Variants in FLI1 observed in about 807,000 individuals in gnomAD.
FLI1 encodes the protein Fli-1 proto-oncogene, ETS transcription factor.
Under a neutral mutation model 53.1 loss-of-function variants are expected in FLI1, and 13 were observed. The ratio of observed to expected loss-of-function variants is 0.24; its 90% CI spans 0.16 to 0.39. The LOEUF is 0.39. FLI1 is among the 10% of genes least tolerant of loss of function. FLI1 has a pLI of 1.00. For synonymous variants in FLI1, 244 were observed against 236.7 expected (o/e 1.03, Z -0.28); for missense variants, 424 against 600.5 (o/e 0.71, Z 3.07).
chr11:128,797,225 A>C (rs1220937636), intron 5 of FLI1, among the ~76,000 whole-genome samples: 1 of 152,240 alleles, frequency 6.6e-6, no homozygotes, highest in Non-Finnish European at 1.5e-5. Context: ...AAAGTACTTG[A>C]GTCTTTAAAA....
rs566205248 is a variant in FLI1 at position 128,795,282 on chromosome 11, C to T, written c.656-10084C>T. Reference sequence around the variant, plus strand: ...CCTCCTTAAGACTATAGTCTCCTCTCGGAGCCTCACCTCATTCACAGGCTA... The same window carrying T: ...CCTCCTTAAGACTATAGTCTCCTCTTGGAGCCTCACCTCATTCACAGGCTA... On this transcript the variant is annotated intron_variant, in intron 5 of 8. Transcript: ENST00000527786. Among the ~76,000 whole-genome samples the T allele has an allele frequency of 3.9e-4, 60 of 152,328 alleles. 1 individual carries two copies. Among genetic ancestry groups the T allele is most frequent in the Non-Finnish European group, 6.2e-4 (42 of 68,034 alleles).
At chr11:128,725,297 G>T (rs570463633) in intron 1 of FLI1, among the ~76,000 whole-genome samples, 7 of 152,172 alleles carry the variant, frequency 4.6e-5, no homozygotes, top group Non-Finnish European at 8.8e-5. Flanking sequence ...TGTATCTCCC[G>T]CTTCCTCCCC....
At chr11:128,776,444 A>G (rs1003753807) in intron 4 of FLI1, among the ~76,000 whole-genome samples, 6 of 152,228 alleles carry the variant, frequency 3.9e-5, no homozygotes, top group Non-Finnish European at 5.9e-5. Context: ...TGAGGCCAGA[A>G]GTTGGAGACC....
chr11:128,733,689 C>T (rs776701031), intron 1 of FLI1, among the ~76,000 whole-genome samples: 7 of 152,302 alleles, frequency 4.6e-5, no homozygotes, highest in East Asian at 3.9e-4. Flanking sequence ...AGATGCTGTG[C>T]GCTGAAAGTC....
At chr11:128,725,769 A>T (rs747407522) in intron 1 of FLI1, among the ~76,000 whole-genome samples, 1 of 151,932 alleles carries the variant, frequency 6.6e-6, no homozygotes, top group South Asian at 2.1e-4. Context: ...AACCCAAACC[A>T]CAAAACCCCG....
At chr11:128,806,889 G>A (rs1462299906) in intron 6 of FLI1, 1 of 288,098 alleles carries the variant, frequency 3.5e-6, no homozygotes, top group Non-Finnish European at 6.4e-6. Context: ...AAATGAAAAG[G>A]TGACATTTAA....
chr11:128,773,274 A>G (rs1446862632), intron 4 of FLI1, among the ~76,000 whole-genome samples: 1 of 152,228 alleles, frequency 6.6e-6, no homozygotes, highest in African/African-American at 2.4e-5. Context: ...GCCTTTCCAG[A>G]AACTATTCCA....
At chr11:128,805,242 G>C in intron 5 of FLI1, 124 bp from the exon 6 acceptor site, 1 of 587,440 alleles carries the variant, frequency 1.7e-6, no homozygotes, top group Non-Finnish European at 3.0e-6. Context: ...CCAGAATTTA[G>C]GGATGCTTTA....
At chr11:128,690,530 G>GCGAGC (rs1359303715), upstream of FLI1, among the ~76,000 whole-genome samples, 2 of 152,196 alleles carry the variant, frequency 1.3e-5, no homozygotes. Flanking sequence ...CTGACATTGA[G>GCGAGC]CGAGCCAAGA....
At chr11:128,745,841 G>T (rs560669260) in intron 1 of FLI1, among the ~76,000 whole-genome samples, 21 of 152,242 alleles carry the variant, frequency 1.4e-4, no homozygotes, top group African/African-American at 4.8e-4. Flanking sequence ...AGGGAGTGAA[G>T]CCCCCCCATA....
chr11:128,726,538 C>T (rs1262302495), intron 1 of FLI1, among the ~76,000 whole-genome samples: 1 of 148,318 alleles, frequency 6.7e-6, no homozygotes, highest in African/African-American at 2.5e-5. Context: ...ACCCTCCCAC[C>T]CCCCTACCCC....
chr11:128,810,430 TTC>T lies in FLI1; in HGVS notation c.830-24_830-23del, dbSNP rs745513430. ...GCCTTCTCTGGGCTGAGGTGTTCTGTTCTCTCCCGTTTGCCTCACGGCGTGCA... is the reference window on the plus strand; with the variant it reads ...GCCTTCTCTGGGCTGAGGTGTTCTGTTCTCCCGTTTGCCTCACGGCGTGCA... On this transcript the variant is annotated intron_variant, in intron 8 of 8. Coordinates refer to ENST00000527786, the MANE Select transcript of FLI1 (RefSeq NM_002017.5). This position sits in a 1 kb window ranked among gnomAD's most constrained non-coding sequence, Gnocchi z 6.6. 1.1e-4 allele frequency: 168 copies of T among 1,566,632 alleles called. No homozygotes were observed. Among genetic ancestry groups the T allele is most frequent in the Non-Finnish European group, 1.4e-4 (165 of 1,155,550 alleles).
At chr11:128,699,404 T>C (rs1938226078) in intron 1 of FLI1, among the ~76,000 whole-genome samples, 1 of 152,252 alleles carries the variant, frequency 6.6e-6, no homozygotes, top group South Asian at 2.1e-4. Flanking sequence ...TTTAAGTCTA[T>C]ATTTTGCTTG....
At chr11:128,706,341 T>C (rs1180840240) in intron 1 of FLI1, among the ~76,000 whole-genome samples, 1 of 152,218 alleles carries the variant, frequency 6.6e-6, no homozygotes, top group African/African-American at 2.4e-5. Flanking sequence ...CATCACTCCA[T>C]ACAACGTGGC....
intron 1 of FLI1, among the ~76,000 whole-genome samples, chr11:128,741,872 G>C (rs1333551144): frequency 6.6e-6 from 1 of 152,268 alleles, no homozygotes; most frequent in Middle Eastern, 3.4e-3. Context: ...GGGATGCTGA[G>C]TGGGGGAGGC....
At chr11:128,696,995 T>C (rs1358254611) in intron 1 of FLI1, among the ~76,000 whole-genome samples, 2 of 152,164 alleles carry the variant, frequency 1.3e-5, no homozygotes, top group Admixed American at 1.3e-4. Flanking sequence ...TTCTCTTCTC[T>C]TTTCCAAGAA....
chr11:128,801,163 C>A (rs1373336387), intron 5 of FLI1, among the ~76,000 whole-genome samples: 1 of 152,210 alleles, frequency 6.6e-6, no homozygotes, highest in Non-Finnish European at 1.5e-5. Flanking sequence ...TCGAGAGGGC[C>A]TCCATGCACG....
At chr11:128,790,856 T>C (rs544188346) in intron 5 of FLI1, among the ~76,000 whole-genome samples, 2 of 152,326 alleles carry the variant, frequency 1.3e-5, no homozygotes, top group East Asian at 3.9e-4. Context: ...AATTGATGGA[T>C]TAATTTAATG....
chr11:128,724,967 C>T (rs565038774), intron 1 of FLI1, among the ~76,000 whole-genome samples: 3 of 152,172 alleles, frequency 2.0e-5, no homozygotes, highest in Non-Finnish European at 4.4e-5. Context: ...GGCATAAAAG[C>T]CACCCAGAAT....
Sources: gnomAD v4.1 joint callset for allele counts (sites outside exome capture counted in the v4.1 genomes callset) on GRCh38, gnomAD v4.1.1 for gene constraint, Gnocchi (gnomAD v3.1) non-coding constraint, MANE v1.5 for transcripts, NCBI Gene and HGNC (gene_info 2026-07-23, HGNC 2026-07-21) for gene names.